Variants in THRB observed in about 807,000 individuals in gnomAD.
THRB encodes nuclear receptor subfamily 1 group A member 2.
In THRB, 12 loss-of-function variants were observed where a neutral mutation model predicts 47.8. That is an observed-to-expected ratio of 0.25 (90% CI 0.16 to 0.41). The LOEUF is 0.41. Among genes scored for constraint, THRB ranks in the 10% least tolerant of loss-of-function variants. The probability of loss-of-function intolerance (pLI) is 1.00; values close to 1 mark genes in which losing one functional copy is unlikely to be tolerated. For missense variants in THRB, 348 were observed against 589.2 expected (o/e 0.59, Z 4.24); for synonymous variants, 218 against 212.2 (o/e 1.03, Z -0.24).
intron 1 of THRB, among the ~76,000 whole-genome samples, chr3:24,375,436 ATAT>A (rs1470695634): frequency 2.8e-5 from 4 of 144,478 alleles, no homozygotes; most frequent in African/African-American, 1.0e-4. Flanking sequence ...TAGACATATA[ATAT>A]TAATATATTA....
At chr3:24,444,248 T>C (rs1275362876) in intron 1 of THRB, among the ~76,000 whole-genome samples, 1 of 152,150 alleles carries the variant, frequency 6.6e-6, no homozygotes, top group Non-Finnish European at 1.5e-5. Context: ...ATAGAATCAT[T>C]TTTTGATTAT....
intron 3 of THRB, among the ~76,000 whole-genome samples, chr3:24,234,408 C>A (rs1194142592): frequency 6.6e-6 from 1 of 150,940 alleles, no homozygotes; most frequent in Non-Finnish European, 1.5e-5. Flanking sequence ...GAAAAGGAGA[C>A]ACAAGAGCTA....
intron 1 of THRB, among the ~76,000 whole-genome samples, chr3:24,449,452 G>A (rs1012138610): frequency 5.3e-5 from 8 of 152,142 alleles, no homozygotes; most frequent in East Asian, 1.9e-4. Flanking sequence ...GGAGAATACC[G>A]CTGCAGGAAA....
intron 1 of THRB, among the ~76,000 whole-genome samples, chr3:24,479,236 G>A (rs531954826): frequency 3.3e-5 from 5 of 152,292 alleles, no homozygotes; most frequent in East Asian, 3.9e-4. Context: ...TGGGAGGCGG[G>A]GCTAGCAGTG....
chr3:24,263,617 C>A (rs919698137), intron 3 of THRB, among the ~76,000 whole-genome samples: 2 of 147,062 alleles, frequency 1.4e-5, no homozygotes, highest in South Asian at 4.3e-4. Context: ...GGGTTACAGG[C>A]CTTTTTTTTT....
chr3:24,195,446 A>G (rs1164327358), intron 4 of THRB, among the ~76,000 whole-genome samples: 1 of 152,200 alleles, frequency 6.6e-6, no homozygotes, highest in African/African-American at 2.4e-5. Flanking sequence ...TAGAAATTGT[A>G]CTTACTACCT....
intron 1 of THRB, among the ~76,000 whole-genome samples, chr3:24,398,014 A>G (rs1181771330): frequency 6.6e-6 from 1 of 152,142 alleles, no homozygotes; most frequent in Non-Finnish European, 1.5e-5. Flanking sequence ...ATATACAACA[A>G]AACAATAATT....
At chr3:24,415,284 C>T (rs1291900157) in intron 1 of THRB, among the ~76,000 whole-genome samples, 2 of 151,840 alleles carry the variant, frequency 1.3e-5, no homozygotes, top group Non-Finnish European at 2.9e-5. Context: ...CCAGCTACTG[C>T]TATTGCTGTG....
chr3:24,208,214 G>A (rs1290067571), intron 4 of THRB, among the ~76,000 whole-genome samples: 1 of 151,924 alleles, frequency 6.6e-6, no homozygotes, highest in African/African-American at 2.4e-5. Flanking sequence ...CAAACAAATG[G>A]AAGAACATTC....
intron 1 of THRB, among the ~76,000 whole-genome samples, chr3:24,375,396 G>GACA (rs1560050189): frequency 1.1e-5 from 1 of 87,046 alleles, no homozygotes; most frequent in African/African-American, 4.5e-5. Context: ...ATATATTATA[G>GACA]TTAGACATAT....
chr3:24,438,552 C>A (rs988447162), intron 1 of THRB, among the ~76,000 whole-genome samples: 10 of 149,506 alleles, frequency 6.7e-5, no homozygotes, highest in Non-Finnish European at 1.2e-4. Flanking sequence ...TGCATTCTTT[C>A]TTTAAAGAAT....
chr3:24,136,760 C>G (rs2034731876), intron 8 of THRB, among the ~76,000 whole-genome samples: 1 of 152,186 alleles, frequency 6.6e-6, no homozygotes, highest in African/African-American at 2.4e-5. Flanking sequence ...ACTGCCTGAG[C>G]TAGCTCATGG....
chr3:24,198,583 C>G (rs1019921181), intron 4 of THRB, among the ~76,000 whole-genome samples: 1 of 151,616 alleles, frequency 6.6e-6, no homozygotes, highest in African/African-American at 2.4e-5. Context: ...CACGAACATT[C>G]TGGACTCTCC....
intron 3 of THRB, among the ~76,000 whole-genome samples, chr3:24,253,508 G>A (rs1480052721): frequency 5.3e-5 from 8 of 152,162 alleles, no homozygotes; most frequent in Non-Finnish European, 1.5e-5. Context: ...TGCACTGGGA[G>A]TACAGTATTT....
chr3:24,143,140 T>C (rs1192414180), intron 8 of THRB, among the ~76,000 whole-genome samples: 1 of 152,220 alleles, frequency 6.6e-6, no homozygotes, highest in African/African-American at 2.4e-5. Flanking sequence ...AATATGTATA[T>C]ACTGGGCATC....
chr3:24,234,754 T>C (rs1410196642), intron 3 of THRB, among the ~76,000 whole-genome samples: 1 of 152,152 alleles, frequency 6.6e-6, no homozygotes, highest in Non-Finnish European at 1.5e-5. Flanking sequence ...AATGGTGATA[T>C]GTGAGTTTGG....
chr3:24,166,174 A>G (rs148489936), intron 5 of THRB, among the ~76,000 whole-genome samples: 25 of 152,310 alleles, frequency 1.6e-4, no homozygotes, highest in African/African-American at 5.5e-4. Flanking sequence ...ATTATTTTCT[A>G]CTTCATAAGC....
chr3:24,210,198 C>G (rs980351207), intron 4 of THRB, among the ~76,000 whole-genome samples: 1 of 152,198 alleles, frequency 6.6e-6, no homozygotes, highest in Non-Finnish European at 1.5e-5. Flanking sequence ...CTATCTACAA[C>G]TGCCTCAATT....
intron 4 of THRB, among the ~76,000 whole-genome samples, chr3:24,206,023 G>C (rs1321313009): frequency 1.3e-5 from 2 of 152,122 alleles, no homozygotes; most frequent in Non-Finnish European, 2.9e-5. Context: ...GACCTACAAA[G>C]AGACTTAGAC....
Sources: gnomAD v4.1 joint callset for allele counts (sites outside exome capture counted in the v4.1 genomes callset) on GRCh38, gnomAD v4.1.1 for gene constraint, MANE v1.5 for transcripts, NCBI Gene and HGNC (gene_info 2026-07-23, HGNC 2026-07-21) for gene names.